The following PPP4R2 variants were observed in gnomAD, a reference collection of about 807,000 sequenced individuals.
PPP4R2 encodes protein phosphatase 4 regulatory subunit 2, also known as serine/threonine-protein phosphatase 4 regulatory subunit 2.
Under a neutral mutation model 47.2 loss-of-function variants are expected in PPP4R2, and 13 were observed. That is an observed-to-expected ratio of 0.28 (90% CI 0.18 to 0.44). The LOEUF is 0.44. PPP4R2 is among the 20% of genes least tolerant of loss of function. The probability of loss-of-function intolerance (pLI) is 1.00; values close to 1 mark genes in which losing one functional copy is unlikely to be tolerated. For missense variants in PPP4R2, 421 were observed against 491.2 expected, an observed-to-expected ratio of 0.86 and a Z score of 1.35; for synonymous variants, 151 against 163.3, an observed-to-expected ratio of 0.92 and a Z score of 0.57.
At chr3:73,060,993 A>C in intron 4 of PPP4R2, 30 bp from the exon 5 acceptor site, 2 of 1,506,056 alleles carry the variant, frequency 1.3e-6, no homozygotes, top group Non-Finnish European at 1.8e-6. Context: ...ACTTTTCTTC[A>C]TACTAAATCA....
intron 5 of PPP4R2, chr3:73,063,355 G>A (rs1229485700): frequency 2.1e-5 from 5 of 236,684 alleles, no homozygotes; most frequent in African/African-American, 4.7e-5. Context: ...AGGTGTGGTG[G>A]CTTAACGCCT....
chr3:73,051,964 A>C (rs1259607111), intron 3 of PPP4R2, among the ~76,000 whole-genome samples: 1 of 152,180 alleles, frequency 6.6e-6, no homozygotes, highest in African/African-American at 2.4e-5. Context: ...GAAATTGTCC[A>C]TGCACTTGTT....
chr3:73,054,380 A>C (rs1249960373), intron 3 of PPP4R2, among the ~76,000 whole-genome samples: 1 of 152,240 alleles, frequency 6.6e-6, no homozygotes, highest in East Asian at 1.9e-4. Context: ...GCTTCAAGTA[A>C]AGCTAGTATC....
rs913815017 is a variant in PPP4R2, at chr3:73,067,972, G to C, written c.*2250G>C. 11 of 152,056 alleles carry C rather than the reference G, an allele frequency of 7.2e-5. No homozygotes were observed. The highest frequency in any genetic ancestry group is 2.7e-4 in the African/African-American group (11 of 41,412). 9.4% of individuals were successfully genotyped at this position (152,056 alleles called of 1,614,324 possible). A position where few individuals can be genotyped will look rare whatever the true frequency, so the allele number is the denominator to read the frequency against. Reference sequence around the variant, plus strand: ...ATGTTGATCATAGATCAAACTTGTTGCTGTTTATACAGATAATTGTAGAAT... The same window carrying C: ...ATGTTGATCATAGATCAAACTTGTTCCTGTTTATACAGATAATTGTAGAAT... On this transcript the variant is annotated 3_prime_UTR_variant, in exon 9 of 9. Coordinates refer to ENST00000356692, the MANE Select transcript of PPP4R2 (RefSeq NM_174907.4).
At chr3:73,032,091 A>G (rs1341566525) in intron 2 of PPP4R2, among the ~76,000 whole-genome samples, 1 of 152,156 alleles carries the variant, frequency 6.6e-6, no homozygotes, top group Admixed American at 6.6e-5. Flanking sequence ...CTCTTTTTAA[A>G]TTGATTTTTT....
chr3:73,015,786 C>CG (rs1559550652), intron 2 of PPP4R2: 2 of 442,304 alleles, frequency 4.5e-6, no homozygotes, highest in African/African-American at 4.1e-5. Flanking sequence ...TACAGGCTCC[C>CG]GCCACCATGC....
At chr3:73,021,876 GTGTGTA>G (rs1323107455) in intron 2 of PPP4R2, among the ~76,000 whole-genome samples, 77 of 125,780 alleles carry the variant, frequency 6.1e-4, no homozygotes, top group Non-Finnish European at 1.1e-3. Context: ...GTGTGTGTGT[GTGTGTA>G]TATATGCATA....
intron 3 of PPP4R2, among the ~76,000 whole-genome samples, chr3:73,057,170 GGACA>G (rs1416317504): frequency 1.3e-5 from 2 of 152,016 alleles, no homozygotes; most frequent in Non-Finnish European, 1.5e-5. Context: ...TGGGTTTCAC[GGACA>G]GACAATTGAG....
At chr3:73,014,996 A>G in intron 2 of PPP4R2, 1 of 681,220 alleles carries the variant, frequency 1.5e-6, no homozygotes, top group Non-Finnish European at 2.7e-6. Context: ...AAGCAGCCTC[A>G]CCCAGTCGTA....
rs374113819 is a variant in PPP4R2 at position 73,004,542 on chromosome 3, G to C, written c.116+6384G>C. On this transcript the variant is annotated intron_variant, in intron 2 of 8. Transcript: ENST00000356692. ...GCAATCTTGGTTCACTGTAAACTCTGTCTTCCCACCTCATCCTTCCCGGTA... is the reference window on the plus strand; with the variant it reads ...GCAATCTTGGTTCACTGTAAACTCTCTCTTCCCACCTCATCCTTCCCGGTA... Among the ~76,000 whole-genome samples, 131 of 152,170 alleles carry C rather than the reference G, an allele frequency of 8.6e-4. 1 individual carries two copies. The highest frequency in any genetic ancestry group is 6.8e-3 in the Middle Eastern group (2 of 294).
At chr3:73,064,464 C>T (rs187928098) in intron 7 of PPP4R2, among the ~76,000 whole-genome samples, 52 of 152,220 alleles carry the variant, frequency 3.4e-4, no homozygotes, top group African/African-American at 1.1e-3. Context: ...TTTTGTGAGT[C>T]GTTTCTCATT....
At chr3:73,062,979 C>G in intron 5 of PPP4R2, 5 of 1,225,314 alleles carry the variant, frequency 4.1e-6, no homozygotes, top group Non-Finnish European at 4.7e-6. Context: ...CTCCATTGCT[C>G]TACGGGCCAT....
At chr3:73,058,649 T>C (rs1307343442) in intron 3 of PPP4R2, among the ~76,000 whole-genome samples, 1 of 152,126 alleles carries the variant, frequency 6.6e-6, no homozygotes, top group African/African-American at 2.4e-5. Flanking sequence ...CGTTTCTTTA[T>C]GCTTTGTGTT....
intron 2 of PPP4R2, among the ~76,000 whole-genome samples, chr3:73,009,714 AGTTT>A (rs1701684084): frequency 6.6e-6 from 1 of 152,218 alleles, no homozygotes; most frequent in South Asian, 2.1e-4. Context: ...TTGATGTAGA[AGTTT>A]GTTATTCAGG....
At chr3:73,005,618 GC>G (rs1215205544) in intron 2 of PPP4R2, among the ~76,000 whole-genome samples, 8 of 151,878 alleles carry the variant, frequency 5.3e-5, no homozygotes, top group African/African-American at 1.9e-4. Context: ...GGAGGCTGAG[GC>G]CGGCGGATCA....
At chr3:73,052,101 C>T (rs866585025) in intron 3 of PPP4R2, among the ~76,000 whole-genome samples, 7 of 151,096 alleles carry the variant, frequency 4.6e-5, no homozygotes, top group Admixed American at 2.6e-4. Context: ...TGACTAGGTG[C>T]GTGGATGGAT....
chr3:73,004,987 GTGTT>G (rs1165869685), intron 2 of PPP4R2, among the ~76,000 whole-genome samples: 1 of 122,486 alleles, frequency 8.2e-6, no homozygotes, highest in Non-Finnish European at 1.7e-5. Flanking sequence ...GTGTGTGTGT[GTGTT>G]TTGAGTCGGA....
At chr3:73,038,057 C>CT (rs1162375081) in intron 2 of PPP4R2, among the ~76,000 whole-genome samples, 1 of 152,140 alleles carries the variant, frequency 6.6e-6, no homozygotes, top group Non-Finnish European at 1.5e-5. Flanking sequence ...CCGGTCCTGT[C>CT]TGACACATGT....
At chr3:73,008,864 T>G (rs993803143) in intron 2 of PPP4R2, among the ~76,000 whole-genome samples, 9 of 152,182 alleles carry the variant, frequency 5.9e-5, no homozygotes, top group Non-Finnish European at 7.3e-5. Flanking sequence ...AAAACAGATT[T>G]AGGTTTGAAT....
Sources: allele counts gnomAD v4.1 joint callset (sites outside exome capture counted in the v4.1 genomes callset), GRCh38; gene constraint gnomAD v4.1.1; transcripts MANE v1.5; gene names NCBI Gene and HGNC (gene_info 2026-07-23, HGNC 2026-07-21).